Variants in NDST1 observed in about 807,000 individuals in gnomAD.
NDST1 encodes the protein bifunctional heparan sulfate N-deacetylase/N-sulfotransferase 1.
Under a neutral mutation model 92.8 loss-of-function variants are expected in NDST1, and 35 were observed. The observed-to-expected ratio is 0.38, with a 90% CI of 0.29 to 0.50. The LOEUF (loss-of-function observed/expected upper bound fraction) is 0.50, where lower values mean the gene tolerates loss of function less well. Ranked by LOEUF, NDST1 falls within the 20% of genes least tolerant of loss-of-function variation. The pLI is 0.94. For missense variants in NDST1, 822 were observed against 1,182.7 expected, an observed-to-expected ratio of 0.69 and a Z score of 4.47; for synonymous variants, 493 against 500.3, an observed-to-expected ratio of 0.99 and a Z score of 0.19.
chr5:150,531,799 G>T (rs1364297127), intron 3 of NDST1, among the ~76,000 whole-genome samples: 1 of 151,180 alleles, frequency 6.6e-6, no homozygotes, highest in Non-Finnish European at 1.5e-5. Context: ...GCACCTGGCG[G>T]CTCTTACAGG....
intron 1 of NDST1, among the ~76,000 whole-genome samples, chr5:150,512,630 A>G (rs1753779553): frequency 6.6e-6 from 1 of 152,062 alleles, no homozygotes; most frequent in Admixed American, 6.5e-5. Context: ...CTCTTTCTCA[A>G]TTCACTACTA....
chr5:150,554,486 G>A lies in NDST1; in HGVS notation c.*1154G>A, dbSNP rs951866908. On this transcript the variant is annotated 3_prime_UTR_variant, in exon 15 of 15. Coordinates refer to ENST00000261797, the MANE Select transcript of NDST1 (RefSeq NM_001543.5). ...GAGCTAGAGATGAGGTGGCAGGGAG[G>A]GAGGCTGTGTCCTCAGTGGCCTGGG... 7.2e-5 allele frequency: 11 copies of A among 152,446 alleles called. No individual in the cohort carries two copies. Among genetic ancestry groups the A allele is most frequent in the African/African-American group, 2.4e-4 (10 of 41,384 alleles). 9.4% of individuals were successfully genotyped at this position (152,446 alleles called of 1,614,324 possible).
Position 150,554,073 on chromosome 5 carries a change from A to C in NDST1, c.*741A>C, listed in dbSNP as rs1262246809. 6 of 402,728 alleles carry C rather than the reference A, an allele frequency of 1.5e-5. No individual in the cohort carries two copies. Among genetic ancestry groups the C allele is most frequent in the Admixed American group, 4.2e-5 (1 of 23,948 alleles). The allele number at this position is 402,728 out of a possible 1,614,324, so 24.9% of individuals were successfully genotyped here. ...TGATGTGTGGTGTTTCCTGTGGTAA[A>C]AGACTGAGGCAGGCCAGGGGTCTGC... On this transcript the variant is annotated 3_prime_UTR_variant, in exon 15 of 15. Transcript: ENST00000261797.
chr5:150,508,379 C>T (rs1753565911), intron 1 of NDST1, among the ~76,000 whole-genome samples, 153 bp downstream of exon 1: 1 of 151,586 alleles, frequency 6.6e-6, no homozygotes, highest in South Asian at 2.1e-4. Context: ...GGGGTACAGG[C>T]TGGCACTTGA....
intron 12 of NDST1, 133 bp from the exon 13 acceptor site, chr5:150,549,545 A>AG: frequency 1.4e-6 from 1 of 697,754 alleles, no homozygotes; most frequent in Non-Finnish European, 2.6e-6. Flanking sequence ...GCCCTTCAAC[A>AG]GGGGAGGAGG....
rs191191510 is a variant in NDST1, at chr5:150,511,794, C to T, written c.-388+3568C>T. Among the ~76,000 whole-genome samples the T allele has an allele frequency of 8.7e-4, 133 of 152,236 alleles. 1 individual carries two copies. Among genetic ancestry groups the T allele is most frequent in the African/African-American group, 3.0e-3 (125 of 41,528 alleles). ...AGAGGAAGGGATTTGCTTCTGGTCT[C>T]GGCCTCCCAGGGATGTAATCACGCT... On this transcript the variant is annotated intron_variant, in intron 1 of 14. Coordinates refer to ENST00000261797, the MANE Select transcript of NDST1 (RefSeq NM_001543.5).
chr5:150,515,206 C>T (rs1239445231), intron 1 of NDST1, among the ~76,000 whole-genome samples: 1 of 152,258 alleles, frequency 6.6e-6, no homozygotes, highest in Non-Finnish European at 1.5e-5. Flanking sequence ...GCAGGATACA[C>T]AGCCCATTTG....
chr5:150,516,400 C>T (rs1469832823), intron 1 of NDST1, among the ~76,000 whole-genome samples: 1 of 152,216 alleles, frequency 6.6e-6, no homozygotes, highest in Non-Finnish European at 1.5e-5. Flanking sequence ...GTGTGCCAGG[C>T]GTGGTTCTGA....
At chr5:150,514,352 C>T (rs1753858764) in intron 1 of NDST1, among the ~76,000 whole-genome samples, 1 of 152,056 alleles carries the variant, frequency 6.6e-6, no homozygotes, top group South Asian at 2.1e-4. Context: ...GGTGGATCAT[C>T]GGAGGTCAGG....
In NDST1 at chr5:150,540,409, C is replaced by T. The variant is rs545204223; in HGVS notation, c.1749+145C>T. Reference sequence around the variant, plus strand: ...GTAAACTCAGGTCCCCATCTACTTACCAGCATGGGTGCGTTCACTCCTTTG... The same window carrying T: ...GTAAACTCAGGTCCCCATCTACTTATCAGCATGGGTGCGTTCACTCCTTTG... On this transcript the variant is annotated intron_variant, in intron 8 of 14. Transcript: ENST00000261797. The T allele has an allele frequency of 4.4e-5, 38 of 861,102 alleles. No individual in the cohort carries two copies. The Admixed American group carries it at 1.1e-3, about 24-fold the overall frequency. The allele number at this position is 861,102 out of a possible 1,614,324, so 53.3% of individuals were successfully genotyped here.
chr5:150,527,971 T>A lies in NDST1; in HGVS notation c.681T>A (p.Val227=). ...KGVLPGEDWT[V]FQSNHSTYEP... The stretch of plus-strand genomic sequence containing the variant: ...TGCTCCCCGGCGAGGACTGGACGGT[T>A]TTCCAGTCAAATCACTCCACCTATG... Residue 227 remains valine, a synonymous_variant, in exon 3 of 15, where the codon GTT becomes GTA. Coordinates refer to ENST00000261797, the MANE Select transcript of NDST1 (RefSeq NM_001543.5). 1 of 1,613,560 alleles carries A rather than the reference T, an allele frequency of 6.2e-7. No individual in the cohort carries two copies. The highest frequency in any genetic ancestry group is 1.3e-5 in the African/African-American group (1 of 74,942).
intron 1 of NDST1, among the ~76,000 whole-genome samples, chr5:150,510,479 G>A (rs909305918): frequency 6.6e-6 from 1 of 152,232 alleles, no homozygotes; most frequent in Non-Finnish European, 1.5e-5. Flanking sequence ...CTTGGTGTGC[G>A]TGAAGAGCCT....
At chr5:150,525,838 C>G (rs995902278) in intron 2 of NDST1, among the ~76,000 whole-genome samples, 13 of 152,202 alleles carry the variant, frequency 8.5e-5, no homozygotes, top group African/African-American at 2.4e-4. Flanking sequence ...CCATCTCCCC[C>G]TCCAAACTCA....
chr5:150,518,448 G>T (rs1419923222), intron 1 of NDST1, among the ~76,000 whole-genome samples: 1 of 152,080 alleles, frequency 6.6e-6, no homozygotes, highest in Non-Finnish European at 1.5e-5. Flanking sequence ...CTTGTAACAT[G>T]CAGGAAGCCC....
rs776930898 is a variant in NDST1, at chr5:150,533,054, C to G, written c.1096+22C>G. On this transcript the variant is annotated intron_variant, in intron 4 of 14. Coordinates refer to ENST00000261797, the MANE Select transcript of NDST1 (RefSeq NM_001543.5). ...ACAGGTAAGTGGGCCTGCCCCTGCC[C>G]TCACTAGCAACTTCCAGGACTCCTC... The G allele has an allele frequency of 2.5e-6, 4 of 1,606,262 alleles. No homozygotes were observed. The East Asian group carries it at 8.9e-5, about 36-fold the overall frequency.
intron 1 of NDST1, among the ~76,000 whole-genome samples, chr5:150,508,728 C>T (rs1004536330): frequency 6.6e-6 from 1 of 152,150 alleles, no homozygotes; most frequent in Admixed American, 6.5e-5. Context: ...AGAGGGGCCC[C>T]TAGAGAATTT....
In NDST1 at chr5:150,539,213, C is replaced by T; in HGVS notation, c.1438-15C>T. 1.2e-6 allele frequency: 2 copies of T among 1,608,474 alleles called. No individual in the cohort carries two copies. Among genetic ancestry groups the T allele is most frequent in the African/African-American group, 1.3e-5 (1 of 74,928 alleles). Reference sequence around the variant, plus strand: ...CAGAAGGCACCATAGCTCCTCTCCCCCACCCCCTCCTCAGGTTCTCCCACG... The same window carrying T: ...CAGAAGGCACCATAGCTCCTCTCCCTCACCCCCTCCTCAGGTTCTCCCACG... On this transcript the variant is annotated splice_polypyrimidine_tract_variant and intron_variant, in intron 6 of 14. Transcript: ENST00000261797.
chr5:150,549,471 T>C (rs556854290), intron 12 of NDST1, among the ~76,000 whole-genome samples: 5 of 152,244 alleles, frequency 3.3e-5, no homozygotes, highest in African/African-American at 1.2e-4. Flanking sequence ...AGAAATGGCA[T>C]TGGGCAGCAG....
chr5:150,541,419 C>T, intron 8 of NDST1, 151 bp from the exon 9 acceptor site: 3 of 737,566 alleles, frequency 4.1e-6, no homozygotes, highest in South Asian at 3.0e-5. Context: ...CTGTCAGTGG[C>T]TCAGTGTCTG....
Sources: allele counts gnomAD v4.1 joint callset (sites outside exome capture counted in the v4.1 genomes callset), GRCh38; gene constraint gnomAD v4.1.1; transcripts MANE v1.5; gene names NCBI Gene and HGNC (gene_info 2026-07-23, HGNC 2026-07-21).